The following AXDND1 variants were observed in gnomAD, a reference collection of about 807,000 sequenced individuals.
AXDND1 encodes axonemal dynein light chain domain containing 1, also known as axonemal dynein light chain domain-containing protein 1.
In AXDND1, 110 loss-of-function variants were observed where a neutral mutation model predicts 137.5. The observed-to-expected ratio is 0.80, with a 90% CI of 0.69 to 0.94. The LOEUF (loss-of-function observed/expected upper bound fraction) is 0.94, where lower values mean the gene tolerates loss of function less well. Ranked by LOEUF, AXDND1 falls within the 40% of genes least tolerant of loss-of-function variation. AXDND1 has a pLI of 0.00. For missense variants in AXDND1, 1,191 were observed against 1,169.8 expected, an observed-to-expected ratio of 1.02 and a Z score of -0.26; for synonymous variants, 414 against 399.7, an observed-to-expected ratio of 1.04 and a Z score of -0.43.
At chr1:179,413,759 C>T (rs1174713456) in intron 12 of AXDND1, among the ~76,000 whole-genome samples, 2 of 152,142 alleles carry the variant, frequency 1.3e-5, no homozygotes, top group Admixed American at 6.5e-5. Flanking sequence ...GGTATATAAC[C>T]ACTAGTGGGA....
intron 16 of AXDND1, among the ~76,000 whole-genome samples, chr1:179,461,699 C>T (rs1204668798): frequency 2.0e-5 from 3 of 152,062 alleles, no homozygotes; most frequent in African/African-American, 7.3e-5. Flanking sequence ...AGTGTTCTGC[C>T]GTTTGTCTGT....
intron 17 of AXDND1, among the ~76,000 whole-genome samples, chr1:179,476,504 A>C (rs574983794): frequency 6.6e-6 from 1 of 151,872 alleles, no homozygotes; most frequent in South Asian, 2.1e-4. Flanking sequence ...CAGCCTGAAA[A>C]ATTTCCTCTA....
At chr1:179,476,662 A>G (rs530307366) in intron 17 of AXDND1, among the ~76,000 whole-genome samples, 19 of 152,210 alleles carry the variant, frequency 1.2e-4, no homozygotes, top group Non-Finnish European at 2.5e-4. Flanking sequence ...TTTAGGCACT[A>G]TGAATATGTT....
Position 179,447,474 on chromosome 1 carries a change from T to A in AXDND1, c.1798+2270T>A, listed in dbSNP as rs574475891. 8.1e-5 allele frequency: 36 copies of A among 441,780 alleles called. No individual in the cohort carries two copies. The South Asian group carries it at 2.3e-3, about 28-fold the overall frequency. The allele number at this position is 441,780 out of a possible 1,614,324, so 27.4% of individuals were successfully genotyped here. ...TGTCCCTTCAAATACTAATTTTGAA[T>A]GGAAATATTCATTAGGAATAGGTAT... On this transcript the variant is annotated intron_variant, in intron 16 of 25. Coordinates refer to ENST00000367618, the MANE Select transcript of AXDND1 (RefSeq NM_144696.6).
chr1:179,494,111 C>T (rs541614079), intron 20 of AXDND1, among the ~76,000 whole-genome samples: 2 of 152,090 alleles, frequency 1.3e-5, no homozygotes, highest in African/African-American at 4.8e-5. Context: ...ACCACTATGC[C>T]GGGCTAATTT....
chr1:179,387,803 T>C (rs1649470932), intron 9 of AXDND1, among the ~76,000 whole-genome samples: 2 of 152,330 alleles, frequency 1.3e-5, no homozygotes, highest in Non-Finnish European at 2.9e-5. Context: ...GGTTGGTTGG[T>C]ACTGGTACTA....
chr1:179,518,379 C>CTTT (rs1669744895), intron 21 of AXDND1, among the ~76,000 whole-genome samples: 1 of 150,184 alleles, frequency 6.7e-6, no homozygotes, highest in East Asian at 1.9e-4. Context: ...ATACATTTTC[C>CTTT]TTTTTCTTTT....
intron 4 of AXDND1, among the ~76,000 whole-genome samples, chr1:179,372,129 A>G (rs573313173): frequency 1.2e-4 from 18 of 152,368 alleles, no homozygotes; most frequent in African/African-American, 4.3e-4. Flanking sequence ...CACAACTAAT[A>G]GTATGCATAA....
intron 21 of AXDND1, among the ~76,000 whole-genome samples, chr1:179,510,093 A>G (rs1668889942): frequency 1.3e-5 from 2 of 151,812 alleles, no homozygotes; most frequent in African/African-American, 4.8e-5. Context: ...TTTTTCTCCT[A>G]CTTCTTTATT....
intron 12 of AXDND1, among the ~76,000 whole-genome samples, chr1:179,421,400 A>G (rs1315333071): frequency 1.1e-5 from 1 of 92,828 alleles, no homozygotes; most frequent in Non-Finnish European, 1.9e-5. Context: ...TTTTTTTGAG[A>G]CAGAGTCTTG....
At chr1:179,427,435 C>T (rs1249465074) in intron 12 of AXDND1, among the ~76,000 whole-genome samples, 1 of 152,050 alleles carries the variant, frequency 6.6e-6, no homozygotes, top group Non-Finnish European at 1.5e-5. Context: ...AAACTTTGAG[C>T]ATGTGTTATG....
chr1:179,487,674 C>T (rs1478426352), intron 18 of AXDND1, among the ~76,000 whole-genome samples: 1 of 148,060 alleles, frequency 6.8e-6, no homozygotes, highest in Non-Finnish European at 1.5e-5. Context: ...AGAAATACAT[C>T]ATTAGAATGA....
At chr1:179,429,401 G>A (rs6662859) in intron 12 of AXDND1, 117 bp from the exon 13 acceptor site, 455,960 of 514,448 alleles carry the variant, frequency 0.89, 202,342 homozygotes, top group East Asian at 0.94. Flanking sequence ...TGATTTAAAC[G>A]AGAAATTTTA....
intron 21 of AXDND1, among the ~76,000 whole-genome samples, chr1:179,516,938 C>T (rs189743481): frequency 6.6e-6 from 1 of 152,224 alleles, no homozygotes; most frequent in East Asian, 1.9e-4. Context: ...GGTCTCCTGC[C>T]GGGAGGTGGC....
At chr1:179,379,234 G>T (rs1168666224) in intron 5 of AXDND1, among the ~76,000 whole-genome samples, 163 bp from the exon 6 acceptor site, 1 of 152,002 alleles carries the variant, frequency 6.6e-6, no homozygotes, top group South Asian at 2.1e-4. Context: ...GTTAGTTTTT[G>T]TCATTTGCTA....
chr1:179,435,014 G>T (rs191888001), intron 15 of AXDND1, among the ~76,000 whole-genome samples: 15 of 152,188 alleles, frequency 9.9e-5, no homozygotes, highest in African/African-American at 2.9e-4. Flanking sequence ...CAAAATCAAC[G>T]TGCAAAAATC....
At position 179,429,439 on chromosome 1, in the gene AXDND1, G is replaced by A. The variant is rs545509202; in HGVS notation, c.1231-79G>A. 1.0e-4 allele frequency: 68 copies of A among 650,800 alleles called. No individual in the cohort carries two copies. In the East Asian group the frequency reaches 1.8e-3, roughly 17 times the overall value. 40.3% of individuals were successfully genotyped at this position (650,800 alleles called of 1,614,324 possible). On this transcript the variant is annotated intron_variant, in intron 12 of 25. Coordinates refer to ENST00000367618, the MANE Select transcript of AXDND1 (RefSeq NM_144696.6). ...TGAGTTAATGATTCCATGAAAAATC[G>A]ATATATGAAATCACTGTAATAAATT...
chr1:179,493,165 T>A (rs1667100215), intron 20 of AXDND1, among the ~76,000 whole-genome samples: 1 of 151,756 alleles, frequency 6.6e-6, no homozygotes, highest in Admixed American at 6.6e-5. Context: ...CTCTTTTATT[T>A]ATCCTTCCAG....
chr1:179,503,034 G>C (rs1668171292), intron 20 of AXDND1, among the ~76,000 whole-genome samples: 1 of 151,764 alleles, frequency 6.6e-6, no homozygotes, highest in African/African-American at 2.4e-5. Flanking sequence ...GGCGGAGGTT[G>C]CGGTGAGGTG....
Sources: gnomAD v4.1 joint callset for allele counts (sites outside exome capture counted in the v4.1 genomes callset) on GRCh38, gnomAD v4.1.1 for gene constraint, MANE v1.5 for transcripts, NCBI Gene and HGNC (gene_info 2026-07-23, HGNC 2026-07-21) for gene names.